Variants in KANK1 observed in about 807,000 individuals in gnomAD.
KANK1 encodes KN motif and ankyrin repeat domains 1, also known as KN motif and ankyrin repeat domain-containing protein 1.
KANK1 carries 109 observed loss-of-function variants against 106.2 expected under a neutral mutation model. That is an observed-to-expected ratio of 1.03 (90% confidence interval 0.88 to 1.20). The LOEUF is 1.20. Among genes scored for constraint, KANK1 ranks in the 50% most tolerant of loss-of-function variants. KANK1 has a pLI of 0.00. For synonymous variants in KANK1, 873 were observed against 652.2 expected, an observed-to-expected ratio of 1.34 and a Z score of -5.16; for missense variants, 2,399 against 1,710.7, an observed-to-expected ratio of 1.40 and a Z score of -7.10.
At chr9:744,199 A>T (rs962490213) in intron 10 of KANK1, among the ~76,000 whole-genome samples, 1 of 139,154 alleles carries the variant, frequency 7.2e-6, no homozygotes, top group South Asian at 2.3e-4. Context: ...TAATTAGAAG[A>T]AAAAAAAACT....
intron 1 of KANK1, among the ~76,000 whole-genome samples, chr9:602,767 TCTC>T (rs1204482152): frequency 3.3e-5 from 5 of 151,988 alleles, no homozygotes; most frequent in Admixed American, 3.3e-4. Context: ...GAAAGCCTGT[TCTC>T]CTTGATGATT....
chr9:650,923 A>G (rs952376146), intron 1 of KANK1, among the ~76,000 whole-genome samples: 32 of 152,254 alleles, frequency 2.1e-4, no homozygotes, highest in Non-Finnish European at 2.8e-4. Flanking sequence ...GAAGAAATGC[A>G]CAAAGGAGAG....
intron 2 of KANK1, among the ~76,000 whole-genome samples, chr9:696,121 A>G (rs1366661703): frequency 1.3e-5 from 2 of 152,108 alleles, no homozygotes; most frequent in Non-Finnish European, 2.9e-5. Flanking sequence ...CGTCTCTACT[A>G]AAAATACAAA....
At chr9:476,293 G>A (rs1207312550) in intron 3 of KANK1, among the ~76,000 whole-genome samples, 1 of 152,174 alleles carries the variant, frequency 6.6e-6, no homozygotes, top group Non-Finnish European at 1.5e-5. Context: ...GGCCGAGGCG[G>A]GTGGATCACC....
intron 2 of KANK1, among the ~76,000 whole-genome samples, chr9:690,015 C>T (rs947039569): frequency 8.6e-5 from 13 of 151,454 alleles, no homozygotes; most frequent in Admixed American, 2.0e-4. Context: ...AGGCTGGGCA[C>T]GGTGGCTCAT....
intron 1 of KANK1, among the ~76,000 whole-genome samples, chr9:597,554 A>G (rs1029547166): frequency 2.0e-5 from 3 of 151,410 alleles, no homozygotes; most frequent in Admixed American, 6.6e-5. Flanking sequence ...AAAAATTGTT[A>G]TTTGTTGTTG....
chr9:713,784 A>G (rs1198790246), intron 3 of KANK1, among the ~76,000 whole-genome samples: 1 of 150,120 alleles, frequency 6.7e-6, no homozygotes, highest in African/African-American at 2.5e-5. Flanking sequence ...TCAGTTATTT[A>G]CTTGCTCATT....
intron 1 of KANK1, among the ~76,000 whole-genome samples, chr9:613,111 G>C (rs1229957474): frequency 2.0e-5 from 3 of 152,050 alleles, no homozygotes; most frequent in Admixed American, 1.3e-4. Flanking sequence ...AGCATGTACT[G>C]TAAAAGATCT....
At chr9:601,569 A>G (rs1378872217) in intron 1 of KANK1, among the ~76,000 whole-genome samples, 1 of 151,846 alleles carries the variant, frequency 6.6e-6, no homozygotes, top group Non-Finnish European at 1.5e-5. Flanking sequence ...TTATTGCCTC[A>G]TAACTGGTTA....
chr9:536,231 C>T (rs1026918394), intron 1 of KANK1, among the ~76,000 whole-genome samples: 1 of 152,126 alleles, frequency 6.6e-6, no homozygotes, highest in Non-Finnish European at 1.5e-5. Flanking sequence ...ATCCCAGCTA[C>T]TCGGGAAGCT....
chr9:640,038 T>G (rs1838041209), intron 1 of KANK1, among the ~76,000 whole-genome samples: 1 of 152,166 alleles, frequency 6.6e-6, no homozygotes, highest in Non-Finnish European at 1.5e-5. Flanking sequence ...ACACAAAACA[T>G]TGAGAACCAT....
At chr9:621,225 A>G (rs1833074508) in intron 1 of KANK1, among the ~76,000 whole-genome samples, 1 of 152,172 alleles carries the variant, frequency 6.6e-6, no homozygotes, top group Admixed American at 6.5e-5. Flanking sequence ...TAACATACAT[A>G]TTGGTTAATA....
intron 1 of KANK1, among the ~76,000 whole-genome samples, chr9:601,636 T>C (rs1223493395): frequency 6.6e-6 from 1 of 151,874 alleles, no homozygotes; most frequent in East Asian, 1.9e-4. Flanking sequence ...TCATGGACAG[T>C]TACTTCATTC....
intron 1 of KANK1, among the ~76,000 whole-genome samples, chr9:553,005 G>T (rs941121743): frequency 6.6e-6 from 1 of 152,212 alleles, no homozygotes; most frequent in South Asian, 2.1e-4. Flanking sequence ...AATTATCCAG[G>T]CCTGGTGGCA....
At chr9:687,225 G>A (rs188516929) in intron 2 of KANK1, among the ~76,000 whole-genome samples, 2 of 152,174 alleles carry the variant, frequency 1.3e-5, no homozygotes, top group Admixed American at 1.3e-4. Context: ...TAATGGACCA[G>A]CCCCGAGGCT....
At chr9:600,058 C>T (rs1003050389) in intron 1 of KANK1, among the ~76,000 whole-genome samples, 3 of 151,700 alleles carry the variant, frequency 2.0e-5, no homozygotes, top group Non-Finnish European at 2.9e-5. Flanking sequence ...TTAGGCATAA[C>T]ACATAATTTA....
At chr9:569,023 A>T (rs528046274) in intron 1 of KANK1, among the ~76,000 whole-genome samples, 2 of 152,180 alleles carry the variant, frequency 1.3e-5, no homozygotes, top group East Asian at 3.9e-4. Flanking sequence ...TCTTCTACCC[A>T]CCTGTAGAGG....
intron 3 of KANK1, among the ~76,000 whole-genome samples, chr9:722,313 T>TTCTC (rs34533149): frequency 2.7e-5 from 4 of 150,252 alleles, no homozygotes; most frequent in African/African-American, 9.7e-5. Context: ...TAAGTGTTCA[T>TTCTC]TCTCTCTCTC....
chr9:636,161 G>C (rs1282077097), intron 1 of KANK1, among the ~76,000 whole-genome samples: 1 of 152,198 alleles, frequency 6.6e-6, no homozygotes, highest in African/African-American at 2.4e-5. Context: ...CAGTTGGCCT[G>C]GGTTAGGGCC....
Sources: gnomAD v4.1 joint callset for allele counts (sites outside exome capture counted in the v4.1 genomes callset) on GRCh38, gnomAD v4.1.1 for gene constraint, MANE v1.5 for transcripts, NCBI Gene and HGNC (gene_info 2026-07-23, HGNC 2026-07-21) for gene names.